The following FAM120B variants were observed in gnomAD, a reference collection of about 807,000 sequenced individuals.
The protein encoded by FAM120B is constitutive coactivator of peroxisome proliferator-activated receptor gamma.
A neutral mutation model predicts 96.3 loss-of-function variants in FAM120B; 83 were observed. The observed-to-expected ratio is 0.86, with a 90% confidence interval of 0.72 to 1.03. The LOEUF (loss-of-function observed/expected upper bound fraction) is 1.03. Among genes scored for constraint, FAM120B ranks in the 50% least tolerant of loss-of-function variants. FAM120B has a pLI of 0.00. For synonymous variants in FAM120B, 407 were observed against 402.7 expected (o/e 1.01, Z -0.13); for missense variants, 1,027 against 1,121.2 (o/e 0.92, Z 1.20).
intron 4 of FAM120B, among the ~76,000 whole-genome samples, chr6:170,331,452 A>G (rs993423429): frequency 1.3e-5 from 2 of 152,228 alleles, no homozygotes; most frequent in African/African-American, 2.4e-5. Flanking sequence ...GAGAAAAGCT[A>G]TTGTAGGGAG....
chr6:170,373,553 A>T (rs1489956453), intron 6 of FAM120B, among the ~76,000 whole-genome samples: 1 of 152,202 alleles, frequency 6.6e-6, no homozygotes, highest in Non-Finnish European at 1.5e-5. Flanking sequence ...AGCTTAAATT[A>T]GTTGTTTTTT....
At chr6:170,348,405 G>C (rs1053368040) in intron 5 of FAM120B, 82 bp downstream of exon 5, 2 of 1,298,914 alleles carry the variant, frequency 1.5e-6, no homozygotes. Flanking sequence ...GCCATGGCTG[G>C]TGTCCCGGAT....
intron 4 of FAM120B, among the ~76,000 whole-genome samples, chr6:170,336,874 A>G (rs1307911795): frequency 6.6e-6 from 1 of 152,082 alleles, no homozygotes; most frequent in Non-Finnish European, 1.5e-5. Flanking sequence ...ATTTTTGCAC[A>G]TTGATTTTTG....
intron 6 of FAM120B, among the ~76,000 whole-genome samples, chr6:170,369,146 T>A (rs1457070167): frequency 6.7e-6 from 1 of 149,622 alleles, no homozygotes; most frequent in Admixed American, 7.0e-5. Context: ...AAGATAGAAA[T>A]GAACAAAGCA....
chr6:170,325,197 T>G (rs1041956795), intron 3 of FAM120B, among the ~76,000 whole-genome samples: 2 of 152,210 alleles, frequency 1.3e-5, no homozygotes, highest in Non-Finnish European at 2.9e-5. Flanking sequence ...TAATACTCCT[T>G]GTCCTAAAGT....
intron 6 of FAM120B, among the ~76,000 whole-genome samples, chr6:170,375,357 G>T (rs1789446193): frequency 6.6e-6 from 1 of 152,200 alleles, no homozygotes; most frequent in African/African-American, 2.4e-5. Flanking sequence ...CAGTTCTCAG[G>T]TTATCTGTTG....
In FAM120B at chr6:170,388,478, T is replaced by A. The variant is rs1440492712; in HGVS notation, c.2475T>A (p.Val825=). ...CTGAAAAGGGTTATGCTGTGGAGGT[T>A]CTTTTAGAACAAAATGTGAGTTCAC... The part of the protein sequence containing the change: ...LQSEKGYAVE[V]LLEQNRSRLT... Residue 825 remains valine (V), a synonymous_variant, in exon 7 of 11, where the codon GTT becomes GTA. Transcript: ENST00000476287. 6.2e-7 allele frequency: 1 copy of A among 1,614,046 alleles called. No individual in the cohort carries two copies. The highest frequency in any genetic ancestry group is 1.3e-5 in the African/African-American group (1 of 74,934).
chr6:170,377,883 G>A (rs996446200), intron 6 of FAM120B, among the ~76,000 whole-genome samples: 7 of 108,586 alleles, frequency 6.4e-5, no homozygotes, highest in African/African-American at 2.4e-4. Context: ...CACGCTGCTC[G>A]GTGCTGTGCA....
intron 6 of FAM120B, among the ~76,000 whole-genome samples, chr6:170,379,113 G>C (rs1041665302): frequency 1.3e-5 from 2 of 152,218 alleles, no homozygotes; most frequent in Admixed American, 1.3e-4. Context: ...GGAAGGATCA[G>C]CCTGCTGGCT....
chr6:170,324,658 C>A (rs992654139), intron 3 of FAM120B, among the ~76,000 whole-genome samples: 5 of 151,984 alleles, frequency 3.3e-5, no homozygotes, highest in African/African-American at 1.2e-4. Context: ...TATTTATGAC[C>A]AAGTGGATAA....
chr6:170,304,471 C>T (rs1784210261), upstream of FAM120B, among the ~76,000 whole-genome samples: 1 of 152,050 alleles, frequency 6.6e-6, no homozygotes, highest in African/African-American at 2.4e-5. Context: ...AATGTATCTT[C>T]TAGACCTGGG....
At chr6:170,374,130 C>A (rs1483981388) in intron 6 of FAM120B, among the ~76,000 whole-genome samples, 3 of 152,174 alleles carry the variant, frequency 2.0e-5, no homozygotes, top group Admixed American at 2.0e-4. Flanking sequence ...GTTAAACTTC[C>A]CCTCTGGTCC....
In FAM120B at chr6:170,370,618, G is replaced by T. The variant is rs1174552368; in HGVS notation, c.2283+12300G>T. 6.6e-6 allele frequency among the ~76,000 whole-genome samples: 1 copy of T among 152,094 alleles called. No individual in the cohort carries two copies. The highest frequency in any genetic ancestry group is 1.5e-5 in the Non-Finnish European group (1 of 68,026). ...CCTGTCATTGTGGGATGTCCTAAAT[G>T]ACTAAAGAGGGCGGGGCAAGGCAGT... On this transcript the variant is annotated intron_variant, in intron 6 of 10. Transcript: ENST00000476287. The surrounding 1 kb of genome is among the most constrained non-coding windows in gnomAD (Gnocchi z 4.3).
At chr6:170,387,442 C>T (rs116917138) in intron 6 of FAM120B, among the ~76,000 whole-genome samples, 2,056 of 152,292 alleles carry the variant, frequency 0.014, 21 homozygotes, top group Middle Eastern at 0.024. Context: ...GTTTCACTTA[C>T]CTCATTTACG....
chr6:170,300,095 T>C (rs1438078130), intron 1 of FAM120B, among the ~76,000 whole-genome samples: 1 of 152,244 alleles, frequency 6.6e-6, no homozygotes, highest in Non-Finnish European at 1.5e-5. Flanking sequence ...TTACCTGTAT[T>C]AGTCTGTTCT....
chr6:170,384,311 G>A (rs1790075140), intron 6 of FAM120B, among the ~76,000 whole-genome samples: 1 of 152,204 alleles, frequency 6.6e-6, no homozygotes, highest in South Asian at 2.1e-4. Flanking sequence ...TACCCTTGGT[G>A]AAGGATACAT....
intron 9 of FAM120B, among the ~76,000 whole-genome samples, chr6:170,400,491 CTT>C (rs1175249012): frequency 6.6e-6 from 1 of 152,092 alleles, no homozygotes; most frequent in Non-Finnish European, 1.5e-5. Context: ...GACAGGCTGA[CTT>C]TGTCTCAAGC....
At chr6:170,301,311 T>G (rs1583166641) in intron 1 of FAM120B, among the ~76,000 whole-genome samples, 1 of 152,222 alleles carries the variant, frequency 6.6e-6, no homozygotes, top group East Asian at 1.9e-4. Flanking sequence ...ATTTTAGCCA[T>G]GTCTAGAGCA....
chr6:170,391,329 A>T, intron 8 of FAM120B: 1 of 505,894 alleles, frequency 2.0e-6, no homozygotes, highest in Non-Finnish European at 3.6e-6. Flanking sequence ...GAGGTCAGGA[A>T]TTCAAGACCA....
Sources: allele counts gnomAD v4.1 joint callset (sites outside exome capture counted in the v4.1 genomes callset), GRCh38; gene constraint gnomAD v4.1.1; non-coding constraint Gnocchi (gnomAD v3.1); transcripts MANE v1.5; gene names NCBI Gene and HGNC (gene_info 2026-07-23, HGNC 2026-07-21).